The following SPATA16 variants were observed in gnomAD, a reference collection of about 807,000 sequenced individuals.
SPATA16 encodes spermatogenesis associated 16.
A neutral mutation model predicts 63.3 loss-of-function variants in SPATA16; 36 were observed. The observed-to-expected ratio is 0.57, with a 90% CI of 0.44 to 0.75. The LOEUF is 0.75. Ranked by LOEUF, SPATA16 falls within the 30% of genes least tolerant of loss-of-function variation. SPATA16 has a pLI of 0.00. For missense variants in SPATA16, 646 were observed against 679.3 expected (o/e 0.95, Z 0.54); for synonymous variants, 203 against 216.7 (o/e 0.94, Z 0.56).
chr3:172,960,290 G>A (rs1278915548), intron 5 of SPATA16, among the ~76,000 whole-genome samples: 1 of 152,194 alleles, frequency 6.6e-6, no homozygotes, highest in Non-Finnish European at 1.5e-5. Context: ...CTTCTCTGAT[G>A]TCAGTAAATG....
chr3:172,934,396 A>G (rs1417824192), intron 6 of SPATA16, among the ~76,000 whole-genome samples: 4 of 152,308 alleles, frequency 2.6e-5, no homozygotes, highest in Admixed American at 6.5e-5. Flanking sequence ...ATTAAGAGAT[A>G]GATGATGAAG....
At chr3:172,966,676 C>T (rs1017244694) in intron 5 of SPATA16, among the ~76,000 whole-genome samples, 5 of 151,918 alleles carry the variant, frequency 3.3e-5, no homozygotes, top group African/African-American at 1.2e-4. Flanking sequence ...CAAAAATTAG[C>T]GAAGAAAATA....
chr3:173,009,097 TA>T (rs540302930), intron 4 of SPATA16, among the ~76,000 whole-genome samples: 3 of 152,160 alleles, frequency 2.0e-5, no homozygotes, highest in Non-Finnish European at 4.4e-5. Flanking sequence ...TTCTGCACTT[TA>T]AAAAAACTGA....
At chr3:172,986,686 C>G (rs748315232) in intron 4 of SPATA16, among the ~76,000 whole-genome samples, 1 of 152,138 alleles carries the variant, frequency 6.6e-6, no homozygotes, top group Non-Finnish European at 1.5e-5. Flanking sequence ...GGGGGGAATG[C>G]AGAGGAAAGG....
At chr3:173,009,761 A>T (rs1420949052) in intron 4 of SPATA16, among the ~76,000 whole-genome samples, 1 of 152,210 alleles carries the variant, frequency 6.6e-6, no homozygotes, top group African/African-American at 2.4e-5. Flanking sequence ...GGTGTTTTGA[A>T]CAAAGAATTA....
At chr3:172,932,125 A>G (rs935047844) in intron 6 of SPATA16, among the ~76,000 whole-genome samples, 5 of 152,210 alleles carry the variant, frequency 3.3e-5, no homozygotes, top group African/African-American at 9.6e-5. Flanking sequence ...TTTAAGCTCT[A>G]TGGAAATAAA....
intron 6 of SPATA16, 59 bp downstream of exon 6, chr3:172,956,618 T>C (rs1230372402): frequency 6.4e-7 from 1 of 1,564,286 alleles, no homozygotes; most frequent in Non-Finnish European, 8.7e-7. Flanking sequence ...GAAAGAACCC[T>C]GTATTTGTTT....
At chr3:172,901,356 T>A (rs1233596047) in intron 10 of SPATA16, among the ~76,000 whole-genome samples, 1 of 152,084 alleles carries the variant, frequency 6.6e-6, no homozygotes, top group African/African-American at 2.4e-5. Flanking sequence ...TGTGCCATCA[T>A]GCCTTGCTAA....
At chr3:172,948,208 G>C (rs1208989386) in intron 6 of SPATA16, among the ~76,000 whole-genome samples, 1 of 151,650 alleles carries the variant, frequency 6.6e-6, no homozygotes, top group East Asian at 1.9e-4. Flanking sequence ...AAAGGCCATG[G>C]ATAAATAAAC....
At chr3:173,025,091 A>G (rs1735422955) in intron 3 of SPATA16, among the ~76,000 whole-genome samples, 1 of 150,978 alleles carries the variant, frequency 6.6e-6, no homozygotes, top group Non-Finnish European at 1.5e-5. Flanking sequence ...TTCCCATTTT[A>G]TTACAATGTA....
chr3:172,898,251 A>G (rs549812176), intron 10 of SPATA16, among the ~76,000 whole-genome samples: 1 of 152,044 alleles, frequency 6.6e-6, no homozygotes, highest in Admixed American at 6.5e-5. Flanking sequence ...ATAATACTAG[A>G]TTTATAACAT....
chr3:173,134,493 A>G (rs1232429070), intron 1 of SPATA16, among the ~76,000 whole-genome samples: 1 of 151,816 alleles, frequency 6.6e-6, no homozygotes, highest in South Asian at 2.1e-4. Context: ...TGCCTCAAAA[A>G]AGAAAAAAAA....
intron 2 of SPATA16, among the ~76,000 whole-genome samples, chr3:173,056,247 T>C (rs1011254568): frequency 1.3e-5 from 2 of 152,240 alleles, no homozygotes; most frequent in African/African-American, 4.8e-5. Context: ...TAGAAGGAAA[T>C]TGGCAAGTCC....
chr3:173,003,490 G>A (rs1012191735), intron 4 of SPATA16, among the ~76,000 whole-genome samples: 10 of 152,202 alleles, frequency 6.6e-5, no homozygotes, highest in African/African-American at 2.2e-4. Context: ...CTTATCGGCA[G>A]TGTAATCTTC....
intron 2 of SPATA16, among the ~76,000 whole-genome samples, chr3:173,049,925 T>C (rs1173741375): frequency 6.6e-6 from 1 of 152,138 alleles, no homozygotes; most frequent in Non-Finnish European, 1.5e-5. Context: ...AGAAGTCCTA[T>C]CTATGTTTAG....
chr3:172,927,197 C>G (rs1005474256), intron 6 of SPATA16, among the ~76,000 whole-genome samples: 1 of 152,048 alleles, frequency 6.6e-6, no homozygotes, highest in Non-Finnish European at 1.5e-5. Context: ...CACTGATTAC[C>G]CATCCTCACT....
chr3:173,034,271 A>C (rs1735667388), intron 3 of SPATA16, among the ~76,000 whole-genome samples: 1 of 152,130 alleles, frequency 6.6e-6, no homozygotes, highest in African/African-American at 2.4e-5. Context: ...TTACACAAGA[A>C]ATTTTAAAAT....
chr3:173,037,775 G>A (rs1422310677), intron 3 of SPATA16, among the ~76,000 whole-genome samples: 1 of 152,016 alleles, frequency 6.6e-6, no homozygotes, highest in African/African-American at 2.4e-5. Context: ...CAAGAAATGA[G>A]AAAAGGTCAC....
intron 8 of SPATA16, among the ~76,000 whole-genome samples, chr3:172,920,842 T>C (rs1437746152): frequency 6.6e-6 from 1 of 152,196 alleles, no homozygotes; most frequent in Non-Finnish European, 1.5e-5. Flanking sequence ...TAAAACATTG[T>C]GTAACTGATT....
Sources: gnomAD v4.1 joint callset for allele counts (sites outside exome capture counted in the v4.1 genomes callset) on GRCh38, gnomAD v4.1.1 for gene constraint, MANE v1.5 for transcripts, NCBI Gene and HGNC (gene_info 2026-07-23, HGNC 2026-07-21) for gene names.